RBFOX1: variants seen among roughly 807,000 people sequenced by gnomAD.
The protein encoded by RBFOX1 is RNA binding protein fox-1 homolog 1.
Under a neutral mutation model 57.7 loss-of-function variants are expected in RBFOX1, and 8 were observed. The observed-to-expected ratio is 0.14, with a 90% confidence interval of 0.08 to 0.25. RBFOX1 has a LOEUF of 0.25. Among genes scored for constraint, RBFOX1 ranks in the 10% least tolerant of loss-of-function variants. RBFOX1 has a pLI of 1.00. For synonymous variants in RBFOX1, 326 were observed against 222.4 expected (o/e 1.47, Z -4.15); for missense variants, 611 against 548.5 (o/e 1.11, Z -1.14).
intron 2 of RBFOX1, among the ~76,000 whole-genome samples, chr16:6,617,952 C>T (rs563010369): frequency 2.0e-5 from 3 of 152,274 alleles, no homozygotes; most frequent in African/African-American, 7.2e-5. Flanking sequence ...GGTGTTGGTG[C>T]ATGCTGGTGT....
intron 4 of RBFOX1, among the ~76,000 whole-genome samples, chr16:7,399,397 G>T (rs2098199274): frequency 1.3e-5 from 2 of 152,048 alleles, no homozygotes; most frequent in African/African-American, 4.8e-5. Context: ...CAGTGAGCCG[G>T]GATCAGACTG....
intron 5 of RBFOX1, among the ~76,000 whole-genome samples, chr16:7,547,715 A>G (rs2084994295): frequency 6.6e-6 from 1 of 152,240 alleles, no homozygotes; most frequent in South Asian, 2.1e-4. Flanking sequence ...TTTGCAACTC[A>G]GGCACCTTGC....
rs867120597 is a variant in RBFOX1, at chr16:7,486,978, C to T, written c.28-31169C>T. Among the ~76,000 whole-genome samples, 3 of 152,316 alleles carry T rather than the reference C, an allele frequency of 2.0e-5. No homozygotes were observed. The Middle Eastern group carries it at 0.01, about 518-fold the overall frequency. On this transcript the variant is annotated intron_variant, in intron 4 of 15. Coordinates refer to ENST00000550418, the MANE Select transcript of RBFOX1 (RefSeq NM_018723.4). Reference sequence around the variant, plus strand: ...ACAGTGGCACAATCTCGGCTCACTGCAACCTCTGCCTCCCGGGTTCAAGCA... The same window carrying T: ...ACAGTGGCACAATCTCGGCTCACTGTAACCTCTGCCTCCCGGGTTCAAGCA...
rs1221147436 is a variant in RBFOX1 at position 7,639,932 on chromosome 16, C to G, written c.757+9249C>G. ...ATTGCAGAATTATCCAGCTACCCCC[C>G]ACCCACCAATGGTGAACTCCAGAGA... On this transcript the variant is annotated intron_variant, in intron 11 of 15. Transcript: ENST00000550418. Among the ~76,000 whole-genome samples, 3 of 152,330 alleles carry G rather than the reference C, an allele frequency of 2.0e-5. No individual in the cohort carries two copies. In the East Asian group the frequency reaches 5.8e-4, roughly 29 times the overall value.
chr16:6,216,194 CTG>C (rs1428438992), intron 1 of RBFOX1, among the ~76,000 whole-genome samples: 16 of 152,182 alleles, frequency 1.1e-4, no homozygotes, highest in Admixed American at 9.2e-4. Flanking sequence ...GGCTTAATAC[CTG>C]GGTGCTGAAA....
intron 3 of RBFOX1, among the ~76,000 whole-genome samples, chr16:5,617,184 G>C (rs1056891564): frequency 6.6e-6 from 1 of 151,978 alleles, no homozygotes; most frequent in African/African-American, 2.4e-5. Flanking sequence ...TTGAGGCTCT[G>C]TGCCAACATC....
At chr16:7,592,354 T>C (rs1473421571) in intron 7 of RBFOX1, among the ~76,000 whole-genome samples, 1 of 152,238 alleles carries the variant, frequency 6.6e-6, no homozygotes, top group Non-Finnish European at 1.5e-5. Flanking sequence ...ACCTTTGTCT[T>C]TCCTAAACAT....
At chr16:7,369,411 C>G (rs2097527979) in intron 4 of RBFOX1, among the ~76,000 whole-genome samples, 1 of 152,116 alleles carries the variant, frequency 6.6e-6, no homozygotes, top group Non-Finnish European at 1.5e-5. Context: ...CCTTTCATCT[C>G]TCCTCTCACT....
chr16:5,345,365 C>T (rs138773973), intron 1 of RBFOX1, among the ~76,000 whole-genome samples: 1 of 152,190 alleles, frequency 6.6e-6, no homozygotes, highest in South Asian at 2.1e-4. Context: ...CCCCTGAAAA[C>T]AAGGTAACAC....
At chr16:5,519,455 G>A (rs2043926554) in intron 2 of RBFOX1, among the ~76,000 whole-genome samples, 1 of 152,226 alleles carries the variant, frequency 6.6e-6, no homozygotes, top group Non-Finnish European at 1.5e-5. Context: ...TGGGTATGGT[G>A]GCTCATGCCT....
Position 7,234,376 on chromosome 16 carries a change from T to C in RBFOX1, c.27+182278T>C, listed in dbSNP as rs774544404. On this transcript the variant is annotated intron_variant, in intron 4 of 15. Transcript: ENST00000550418. ...CTATTTGGTTTTGGTTCCACCCCTT[T>C]GCCAGCAAAACCACAAAGTGGGAAA... 1.2e-3 allele frequency among the ~76,000 whole-genome samples: 190 copies of C among 152,226 alleles called. 2 individuals are homozygous for C. The highest frequency in any genetic ancestry group is 1.7e-3 in the Non-Finnish European group (113 of 68,020).
intron 2 of RBFOX1, among the ~76,000 whole-genome samples, chr16:6,438,329 G>A (rs1341559314): frequency 6.6e-6 from 1 of 152,188 alleles, no homozygotes; most frequent in Admixed American, 6.5e-5. Context: ...GATGAGGAGA[G>A]TGAGGCTTAA....
intron 2 of RBFOX1, among the ~76,000 whole-genome samples, chr16:6,535,198 T>C (rs1338117557): frequency 6.6e-6 from 1 of 152,204 alleles, no homozygotes; most frequent in Non-Finnish European, 1.5e-5. Flanking sequence ...TCTCATGTCC[T>C]GGGAAAATCC....
rs55716393 is a variant in RBFOX1, at chr16:7,165,974, A to ATACGTACATACATACG, written c.27+113879_27+113880insGTACATACATACGTAC. 2.5e-3 allele frequency among the ~76,000 whole-genome samples: 374 copies of ATACGTACATACATACG among 150,354 alleles called. 4 individuals carry two copies. Among genetic ancestry groups the ATACGTACATACATACG allele is most frequent in the African/African-American group, 8.8e-3 (357 of 40,734 alleles). The stretch of plus-strand genomic sequence containing the variant: ...CACACACACACACACACATACATAC[A>ATACGTACATACATACG]TACACCCCAGATTTCCTTTGAAGGA... On this transcript the variant is annotated intron_variant, in intron 4 of 15. Transcript: ENST00000550418.
chr16:7,668,792 A>C (rs1385079542), intron 13 of RBFOX1, among the ~76,000 whole-genome samples: 1 of 152,170 alleles, frequency 6.6e-6, no homozygotes, highest in Non-Finnish European at 1.5e-5. Context: ...CATTCATTTT[A>C]ATTAAAAAGT....
At chr16:6,524,213 C>A (rs1050385655) in intron 2 of RBFOX1, among the ~76,000 whole-genome samples, 1 of 152,166 alleles carries the variant, frequency 6.6e-6, no homozygotes, top group East Asian at 1.9e-4. Flanking sequence ...ATTTTTATTT[C>A]TAGATCCCAC....
At chr16:5,551,797 C>A (rs933207680) in intron 2 of RBFOX1, among the ~76,000 whole-genome samples, 2 of 151,726 alleles carry the variant, frequency 1.3e-5, no homozygotes, top group African/African-American at 2.4e-5. Context: ...CTCCGCCCCC[C>A]ACCCCCCGAC....
chr16:6,152,466 A>G (rs1188090830), intron 1 of RBFOX1, among the ~76,000 whole-genome samples: 2 of 152,208 alleles, frequency 1.3e-5, no homozygotes, highest in Admixed American at 6.5e-5. Context: ...TAATTCAGAA[A>G]GCAGCTTCTG....
chr16:6,366,246 T>A (rs1005372592), intron 2 of RBFOX1, among the ~76,000 whole-genome samples: 1 of 152,168 alleles, frequency 6.6e-6, no homozygotes, highest in Admixed American at 6.6e-5. Context: ...GATATGTATA[T>A]CTGGAAGGTA....
Sources: allele counts gnomAD v4.1 joint callset (sites outside exome capture counted in the v4.1 genomes callset), GRCh38; gene constraint gnomAD v4.1.1; transcripts MANE v1.5; gene names NCBI Gene and HGNC (gene_info 2026-07-23, HGNC 2026-07-21).